Variants in ZNF431 observed in about 807,000 individuals in gnomAD.
ZNF431 encodes the protein zinc finger protein 431.
ZNF431 carries 34 observed loss-of-function variants against 57.0 expected under a neutral mutation model. That is an observed-to-expected ratio of 0.60 (90% confidence interval 0.45 to 0.79). The LOEUF (loss-of-function observed/expected upper bound fraction) is 0.79. Among genes scored for constraint, ZNF431 ranks in the 30% least tolerant of loss-of-function variants. The pLI, the probability that ZNF431 is intolerant of heterozygous loss-of-function variation, is 0.00. For missense variants in ZNF431, 607 were observed against 667.1 expected (o/e 0.91, Z 0.99); for synonymous variants, 207 against 220.3 (o/e 0.94, Z 0.54).
intron 2 of ZNF431, among the ~76,000 whole-genome samples, chr19:21,145,426 A>G (rs1599571678): frequency 2.6e-5 from 4 of 152,180 alleles, no homozygotes; most frequent in Non-Finnish European, 4.4e-5. Context: ...ACAGTGAGCC[A>G]AGATCGCGCC....
In ZNF431 at chr19:21,143,546, C is replaced by T; in HGVS notation, c.4-5C>T. 5 of 1,611,346 alleles carry T rather than the reference C, an allele frequency of 3.1e-6. No homozygotes were observed. Among genetic ancestry groups the T allele is most frequent in the Non-Finnish European group, 2.5e-6 (3 of 1,177,516 alleles). ...TATCAGCTTCTGGTTTATTTTCTTC[C>T]ATAGGACGACTTGAAATATGGAGTG... On this transcript the variant is annotated splice_polypyrimidine_tract_variant and splice_region_variant and intron_variant, in intron 1 of 4. Transcript: ENST00000311048.
At chr19:21,152,762 C>G (rs926559209) in intron 2 of ZNF431, among the ~76,000 whole-genome samples, 2 of 152,170 alleles carry the variant, frequency 1.3e-5, no homozygotes, top group Non-Finnish European at 2.9e-5. Flanking sequence ...ATGCACACCA[C>G]TCACCCAAAG....
At position 21,185,025 on chromosome 19, in the gene ZNF431, A is replaced by G. The variant is rs1971327369; in HGVS notation, c.*991A>G. On this transcript the variant is annotated 3_prime_UTR_variant, in exon 5 of 5. Coordinates refer to ENST00000311048, the MANE Select transcript of ZNF431 (RefSeq NM_133473.4). Reference sequence around the variant, plus strand: ...GTGCAAATATAATAAATTTGGAAAAACAATTTTTCAAAAACTACAGCTTAG... The same window carrying G: ...GTGCAAATATAATAAATTTGGAAAAGCAATTTTTCAAAAACTACAGCTTAG... The G allele has an allele frequency of 6.6e-6, 1 of 152,184 alleles. No individual in the cohort carries two copies. The highest frequency in any genetic ancestry group is 2.1e-4 in the South Asian group (1 of 4,830). 9.4% of individuals were successfully genotyped at this position (152,184 alleles called of 1,614,324 possible).
chr19:21,165,720 GT>G (rs913690158), intron 2 of ZNF431, among the ~76,000 whole-genome samples: 2 of 146,384 alleles, frequency 1.4e-5, no homozygotes, highest in Non-Finnish European at 3.0e-5. Context: ...TTTTGTTTTT[GT>G]TTTTTTTTGC....
chr19:21,162,468 G>A (rs907150857), intron 2 of ZNF431, among the ~76,000 whole-genome samples: 4 of 151,706 alleles, frequency 2.6e-5, no homozygotes, highest in African/African-American at 7.3e-5. Flanking sequence ...CACTGTACCC[G>A]GCAATTTTTG....
Position 21,185,063 on chromosome 19 carries a change from A to G in ZNF431, c.*1029A>G, listed in dbSNP as rs1568318208. The G allele has an allele frequency of 6.6e-6, 1 of 152,226 alleles. No homozygotes were observed. The highest frequency in any genetic ancestry group is 1.5e-5 in the Non-Finnish European group (1 of 68,028). The allele number at this position is 152,226 out of a possible 1,614,324, so 9.4% of individuals were successfully genotyped here. A position where few individuals can be genotyped will look rare whatever the true frequency, so the allele number is the denominator to read the frequency against. On this transcript the variant is annotated 3_prime_UTR_variant, in exon 5 of 5. Coordinates refer to ENST00000311048, the MANE Select transcript of ZNF431 (RefSeq NM_133473.4). The stretch of plus-strand genomic sequence containing the variant: ...AACTACAGCTTAGAAATCAACAGTT[A>G]TACTAGAATATATTTTTTCCAGATG...
intron 2 of ZNF431, among the ~76,000 whole-genome samples, chr19:21,160,572 C>A (rs1437398314): frequency 2.6e-5 from 4 of 152,198 alleles, no homozygotes; most frequent in Admixed American, 2.6e-4. Flanking sequence ...TCTCTCCATC[C>A]TGGCTTATCA....
At chr19:21,164,795 A>G (rs7251158) in intron 2 of ZNF431, among the ~76,000 whole-genome samples, 141,053 of 151,886 alleles carry the variant, frequency 0.93, 65,745 homozygotes, top group Middle Eastern at 0.98. Flanking sequence ...AAATTCTTGT[A>G]ATAGTCAAGG....
rs934943277 is a variant in ZNF431 at position 21,196,041 on chromosome 19, TATTTG to T, written c.*12014_*12018del. On this transcript the variant is annotated 3_prime_UTR_variant, in exon 5 of 5. Transcript: ENST00000311048. ...CATTCAATTTGACAAAATATAAATC[TATTTG>T]ATTTGAATTTAATGGTGTGTGTGTG... The T allele has an allele frequency of 6.9e-6, 1 of 145,230 alleles. No homozygotes were observed. The allele number at this position is 145,230 out of a possible 1,614,324, so 9.0% of individuals were successfully genotyped here.
chr19:21,142,297 C>T (rs1012349044), intron 1 of ZNF431, 111 bp downstream of exon 1: 6 of 1,466,524 alleles, frequency 4.1e-6, no homozygotes, highest in Non-Finnish European at 5.7e-6. Flanking sequence ...ACAGTCTGCG[C>T]CCCGAGTTCT....
Position 21,182,771 on chromosome 19 carries a change from G to A in ZNF431, c.468G>A (p.Val156=). 1 of 1,613,852 alleles carries A rather than the reference G, an allele frequency of 6.2e-7. No individual in the cohort carries two copies. The highest frequency in any genetic ancestry group is 1.1e-5 in the South Asian group (1 of 91,076). The part of the protein sequence containing the change: ...KGSASVDEYK[V]HKEGYNELNQ... ...CCGCAAGTGTAGATGAGTATAAGGTGCACAAAGAAGGTTATAATGAGCTAA... is the reference window on the plus strand; with the variant it reads ...CCGCAAGTGTAGATGAGTATAAGGTACACAAAGAAGGTTATAATGAGCTAA... Residue 156 remains valine, a synonymous_variant, in exon 5 of 5, where the codon GTG becomes GTA. Transcript: ENST00000311048.
intron 2 of ZNF431, among the ~76,000 whole-genome samples, chr19:21,165,284 A>G (rs1408174607): frequency 2.6e-5 from 4 of 152,148 alleles, no homozygotes; most frequent in African/African-American, 9.7e-5. Flanking sequence ...TCCTTAGTAA[A>G]GATGGAGAAC....
At position 21,150,423 on chromosome 19, in the gene ZNF431, T is replaced by G. The variant is rs978759371; in HGVS notation, c.96+6780T>G. On this transcript the variant is annotated intron_variant, in intron 2 of 4. Coordinates refer to ENST00000311048, the MANE Select transcript of ZNF431 (RefSeq NM_133473.4). Reference sequence around the variant, plus strand: ...GGAGCCACCTTCTTCCCCTAGGCCTTCTTTCCTTTTGGCATCTTGGGTCGG... The same window carrying G: ...GGAGCCACCTTCTTCCCCTAGGCCTGCTTTCCTTTTGGCATCTTGGGTCGG... 17 of 265,636 alleles carry G rather than the reference T, an allele frequency of 6.4e-5. No individual in the cohort carries two copies. In the East Asian group the frequency reaches 1.5e-3, roughly 23 times the overall value. The allele number at this position is 265,636 out of a possible 1,614,324, so 16.5% of individuals were successfully genotyped here.
At chr19:21,159,612 C>A (rs1370345934) in intron 2 of ZNF431, among the ~76,000 whole-genome samples, 6 of 152,158 alleles carry the variant, frequency 3.9e-5, no homozygotes, top group Admixed American at 3.3e-4. Context: ...ACCTCATGAT[C>A]TGCCCACCTC....
At chr19:21,168,955 A>C (rs10415009) in intron 4 of ZNF431, among the ~76,000 whole-genome samples, 87,905 of 151,854 alleles carry the variant, frequency 0.58, 26,372 homozygotes, top group East Asian at 0.8. Context: ...TGTGTTGCCT[A>C]GGCTGGAGTG....
intron 2 of ZNF431, chr19:21,150,282 G>A (rs866988481): frequency 2.1e-5 from 10 of 480,640 alleles, no homozygotes; most frequent in African/African-American, 6.0e-5. Flanking sequence ...GGGCCATTTC[G>A]GGTGAGGTCC....
chr19:21,145,653 A>G (rs530501913), intron 2 of ZNF431, among the ~76,000 whole-genome samples: 1 of 152,302 alleles, frequency 6.6e-6, no homozygotes, highest in South Asian at 2.1e-4. Context: ...GGGGACTGAG[A>G]GGATCTTACT....
chr19:21,169,204 C>T (rs73541744), intron 4 of ZNF431, among the ~76,000 whole-genome samples: 3,191 of 152,140 alleles, frequency 0.021, 137 homozygotes, highest in African/African-American at 0.072. Flanking sequence ...TGAACCACTG[C>T]GCCTGGCTGT....
chr19:21,172,386 C>A (rs1324272537), intron 4 of ZNF431, among the ~76,000 whole-genome samples: 1 of 150,474 alleles, frequency 6.6e-6, no homozygotes, highest in Non-Finnish European at 1.5e-5. Flanking sequence ...CGAGATCATG[C>A]CACCACACTC....
Sources: gnomAD v4.1 joint callset for allele counts (sites outside exome capture counted in the v4.1 genomes callset) on GRCh38, gnomAD v4.1.1 for gene constraint, MANE v1.5 for transcripts, NCBI Gene and HGNC (gene_info 2026-07-23, HGNC 2026-07-21) for gene names.